Variants in TMCO6 observed in about 807,000 individuals in gnomAD.
TMCO6 encodes transmembrane and coiled-coil domains 6.
A neutral mutation model predicts 61.8 loss-of-function variants in TMCO6; 47 were observed. The observed-to-expected ratio is 0.76, with a 90% CI of 0.60 to 0.97. The LOEUF (loss-of-function observed/expected upper bound fraction) is 0.97. Ranked by LOEUF, TMCO6 falls within the 50% of genes least tolerant of loss-of-function variation. The probability of loss-of-function intolerance (pLI) is 0.00; values close to 1 mark genes in which losing one functional copy is unlikely to be tolerated. For synonymous variants in TMCO6, 261 were observed against 254.2 expected, an observed-to-expected ratio of 1.03 and a Z score of -0.25; for missense variants, 557 against 601.6, an observed-to-expected ratio of 0.93 and a Z score of 0.78.
upstream of TMCO6, among the ~76,000 whole-genome samples, chr5:140,637,994 T>TCTTTCTTC (rs1187874015): frequency 9.5e-5 from 14 of 146,622 alleles, no homozygotes; most frequent in Admixed American, 4.6e-4. Flanking sequence ...TTTCTTTCTT[T>TCTTTCTTC]CTTCCTTCCT....
At chr5:140,633,054 A>G in the TMCO6 span, 3 of 1,613,088 alleles carry the variant, frequency 1.9e-6, no homozygotes, top group Non-Finnish European at 2.5e-6. Flanking sequence ...TTCGACCCCA[A>G]GACCCTACAC....
At position 140,642,688 on chromosome 5, in the gene TMCO6, T is replaced by C; in HGVS notation, c.689+17T>C. 1.2e-6 allele frequency: 2 copies of C among 1,613,846 alleles called. No homozygotes were observed. The highest frequency in any genetic ancestry group is 1.7e-6 in the Non-Finnish European group (2 of 1,179,884). ...GATCATTCCGTGAGTAAAATTGTCT[T>C]TAGATGTGCAGCCAGAGGTGACCCA... On this transcript the variant is annotated intron_variant, in intron 6 of 11. Transcript: ENST00000394671.
chr5:140,626,401 A>AT, the TMCO6 span, among the ~76,000 whole-genome samples: 1 of 151,736 alleles, frequency 6.6e-6, no homozygotes, highest in Non-Finnish European at 1.5e-5. Context: ...CCCTTTATAT[A>AT]TTTTTTCTTT....
At chr5:140,631,554 G>A in the TMCO6 span, among the ~76,000 whole-genome samples, 1 of 152,150 alleles carries the variant, frequency 6.6e-6, no homozygotes, top group Non-Finnish European at 1.5e-5. Flanking sequence ...TGCAGCCCTA[G>A]CCAGGAGTCC....
intron 2 of TMCO6, 77 bp downstream of exon 2, chr5:140,639,928 C>A: frequency 1.6e-6 from 2 of 1,248,088 alleles, no homozygotes; most frequent in Admixed American, 2.0e-5. Context: ...AGGTCTGCCC[C>A]AAACCTGAAC....
the TMCO6 span, among the ~76,000 whole-genome samples, chr5:140,602,056 C>A: frequency 6.6e-6 from 1 of 152,166 alleles, no homozygotes; most frequent in Non-Finnish European, 1.5e-5. Context: ...TGCCAAACCC[C>A]TCATCATGTG....
the TMCO6 span, among the ~76,000 whole-genome samples, chr5:140,628,874 A>G: frequency 6.6e-6 from 1 of 152,220 alleles, no homozygotes; most frequent in African/African-American, 2.4e-5. Flanking sequence ...CAACCCAGAC[A>G]GCTCCTAAGT....
In TMCO6 at chr5:140,644,617, C is replaced by G; in HGVS notation, c.1245C>G (p.Tyr415Ter). 6.2e-7 allele frequency: 1 copy of G among 1,614,254 alleles called. No individual in the cohort carries two copies. The highest frequency in any genetic ancestry group is 8.5e-7 in the Non-Finnish European group (1 of 1,180,044). The stretch of plus-strand genomic sequence containing the variant: ...ATGTTGCAGAAAAGGGTCCTGCTTA[C>G]TGCCAGCGGCTGTGGCCAGGGCCCC... ...LCNVAEKGPA[Y>*]CQRLWPGPLL... is the part of the protein sequence containing the mutation. The change falls in exon 11 of 12, where the codon TAC (tyrosine) becomes TAG (stop). Residue 415 changes from tyrosine (Y) to a stop codon, truncating the protein, a stop_gained. Transcript: ENST00000394671. LOFTEE classifies it high-confidence loss of function.
chr5:140,623,805 T>C, the TMCO6 span, among the ~76,000 whole-genome samples: 11 of 152,104 alleles, frequency 7.2e-5, no homozygotes, highest in Non-Finnish European at 5.9e-5. Flanking sequence ...AGTCTCAAAC[T>C]CCTGACCTCA....
At chr5:140,630,322 T>C in the TMCO6 span, among the ~76,000 whole-genome samples, 7 of 151,880 alleles carry the variant, frequency 4.6e-5, no homozygotes, top group Non-Finnish European at 1.0e-4. Context: ...AAAAATTTTT[T>C]TTTTTGCAAT....
the TMCO6 span, among the ~76,000 whole-genome samples, chr5:140,602,848 G>A: frequency 6.3e-4 from 96 of 151,892 alleles, no homozygotes; most frequent in African/African-American, 2.1e-3. Flanking sequence ...GGTGGCTCAC[G>A]CCTGTAATCC....
chr5:140,606,989 T>TAA, the TMCO6 span, among the ~76,000 whole-genome samples: 5 of 133,628 alleles, frequency 3.7e-5, no homozygotes, highest in East Asian at 6.1e-4. Context: ...GTTTAAAAAG[T>TAA]AAAAAAAAAA....
At chr5:140,604,827 A>C in the TMCO6 span, among the ~76,000 whole-genome samples, 1 of 82,054 alleles carries the variant, frequency 1.2e-5, no homozygotes, top group Non-Finnish European at 2.7e-5. Context: ...TCTCAGCATT[A>C]TTTTTGAAGA....
the TMCO6 span, among the ~76,000 whole-genome samples, chr5:140,630,195 T>G: frequency 6.6e-6 from 1 of 152,014 alleles, no homozygotes; most frequent in Non-Finnish European, 1.5e-5. Context: ...GGTTTCATCA[T>G]GTTAGCCAGG....
chr5:140,642,835 G>A (rs1226962535), intron 6 of TMCO6, 90 bp from the exon 7 acceptor site: 3 of 1,607,674 alleles, frequency 1.9e-6, no homozygotes, highest in Non-Finnish European at 2.6e-6. Context: ...AGGGCTTTGG[G>A]TTTGGACACT....
the TMCO6 span, among the ~76,000 whole-genome samples, chr5:140,597,494 G>T: frequency 2.1e-3 from 327 of 152,262 alleles, 3 homozygotes; most frequent in Non-Finnish European, 3.9e-3. Context: ...CAGACCTCTG[G>T]TATAACCATA....
Position 140,642,355 on chromosome 5 carries a change from G to T in TMCO6, c.539G>T (p.Ser180Ile), listed in dbSNP as rs1463553220. 6.2e-7 allele frequency: 1 copy of T among 1,613,760 alleles called. No homozygotes were observed. The highest frequency in any genetic ancestry group is 1.3e-5 in the African/African-American group (1 of 74,940). Residue 180 changes from serine (S) to isoleucine (I), a missense_variant, in exon 5 of 12, where the codon AGT (serine) becomes ATT (isoleucine). Coordinates refer to ENST00000394671, the MANE Select transcript of TMCO6 (RefSeq NM_018502.5). ...ACACTGGGTAACCTGATCGTGGAGA[G>T]TGAGGCTGTGAGAAGGCAGCTCCTG... Reference protein sequence around the residue: ...LYTLGNLIVESEAVRRQLLPQ... With the variant: ...LYTLGNLIVEIEAVRRQLLPQ...
At chr5:140,637,309 C>T (rs1756792344), upstream of TMCO6, among the ~76,000 whole-genome samples, 1 of 152,166 alleles carries the variant, frequency 6.6e-6, no homozygotes, top group African/African-American at 2.4e-5. Context: ...GTTTTTTATT[C>T]ACTAGTGTTT....
chr5:140,599,531 C>T, the TMCO6 span, among the ~76,000 whole-genome samples: 2 of 152,210 alleles, frequency 1.3e-5, no homozygotes, highest in African/African-American at 2.4e-5. Flanking sequence ...AGATGCTGCA[C>T]ATTCACCTTG....
Sources: gnomAD v4.1 joint callset for allele counts (sites outside exome capture counted in the v4.1 genomes callset) on GRCh38, gnomAD v4.1.1 for gene constraint, MANE v1.5 for transcripts, NCBI Gene and HGNC (gene_info 2026-07-23, HGNC 2026-07-21) for gene names.